Variants in MGAT4C observed in about 807,000 individuals in gnomAD.
The protein encoded by MGAT4C is MGAT4 family member C, also known as alpha-1,3-mannosyl-glycoprotein 4-beta-N-acetylglucosaminyltransferase C.
Under a neutral mutation model 40.1 loss-of-function variants are expected in MGAT4C, and 19 were observed. The observed-to-expected ratio is 0.47, with a 90% CI of 0.33 to 0.70. The LOEUF (loss-of-function observed/expected upper bound fraction) is 0.70, where lower values mean the gene tolerates loss of function less well. Among genes scored for constraint, MGAT4C ranks in the 30% least tolerant of loss-of-function variants. The pLI is 0.02. For missense variants in MGAT4C, 491 were observed against 563.2 expected (o/e 0.87, Z 1.30); for synonymous variants, 181 against 187.1 (o/e 0.97, Z 0.27).
intron 2 of MGAT4C, among the ~76,000 whole-genome samples, chr12:86,044,425 GCTGCCAGCTTCTGTGCACATGTT>G (rs1371525935): frequency 6.6e-6 from 1 of 152,180 alleles, no homozygotes; most frequent in African/African-American, 2.4e-5. Context: ...TGGGTTTGCG[GCTGCCAGCTTCTGTGCACATGTT>G]TGCTCTGTGG....
At chr12:86,491,453 A>C (rs1452381012) in intron 2 of MGAT4C, among the ~76,000 whole-genome samples, 3 of 152,174 alleles carry the variant, frequency 2.0e-5, no homozygotes, top group Non-Finnish European at 2.9e-5. Flanking sequence ...CACCAAGATC[A>C]AGTGGGCTTC....
chr12:86,461,236 CTTTTTTTTTT>C (rs1182920834), intron 2 of MGAT4C, among the ~76,000 whole-genome samples: 1 of 132,664 alleles, frequency 7.5e-6, no homozygotes, highest in South Asian at 2.4e-4. Flanking sequence ...TACACATCTT[CTTTTTTTTTT>C]TTTTTTTTTT....
chr12:86,382,368 T>A (rs1955952545), intron 3 of MGAT4C, among the ~76,000 whole-genome samples: 1 of 152,176 alleles, frequency 6.6e-6, no homozygotes, highest in Admixed American at 6.5e-5. Flanking sequence ...AGAAGAAATT[T>A]CTAAGCAGAA....
chr12:86,767,472 T>C (rs1565976253), intron 1 of MGAT4C, among the ~76,000 whole-genome samples: 1 of 152,142 alleles, frequency 6.6e-6, no homozygotes, highest in Non-Finnish European at 1.5e-5. Context: ...TCTGAAACTA[T>C]TCCAATCAAT....
intron 1 of MGAT4C, among the ~76,000 whole-genome samples, chr12:86,745,749 A>C (rs1466024877): frequency 6.6e-6 from 1 of 151,644 alleles, no homozygotes; most frequent in Admixed American, 6.6e-5. Flanking sequence ...TAAAACTACA[A>C]AAATTTAAAC....
chr12:86,261,753 T>C (rs1484029079), intron 4 of MGAT4C, among the ~76,000 whole-genome samples: 1 of 152,056 alleles, frequency 6.6e-6, no homozygotes, highest in Non-Finnish European at 1.5e-5. Flanking sequence ...GTGTTGTACC[T>C]TGGGGTTTCA....
At chr12:86,370,447 A>T (rs1200609550) in intron 3 of MGAT4C, among the ~76,000 whole-genome samples, 1 of 152,050 alleles carries the variant, frequency 6.6e-6, no homozygotes, top group Non-Finnish European at 1.5e-5. Context: ...TAGTATGGAA[A>T]AACTTGCCTG....
intron 1 of MGAT4C, among the ~76,000 whole-genome samples, chr12:86,138,383 C>T (rs1016501686): frequency 2.7e-5 from 4 of 150,738 alleles, no homozygotes; most frequent in Admixed American, 2.0e-4. Flanking sequence ...CTCAGGATTC[C>T]CACTTGGATA....
chr12:86,425,997 A>T (rs574430977), intron 3 of MGAT4C, among the ~76,000 whole-genome samples: 2 of 152,248 alleles, frequency 1.3e-5, no homozygotes, highest in Non-Finnish European at 2.9e-5. Context: ...TCAATAAAAT[A>T]AAAATTAAAA....
chr12:86,201,378 C>G (rs1471941898), intron 1 of MGAT4C, among the ~76,000 whole-genome samples: 2 of 151,256 alleles, frequency 1.3e-5, no homozygotes, highest in Non-Finnish European at 2.9e-5. Context: ...ATTATTATGT[C>G]AATAACACCA....
At position 85,961,871 on chromosome 12, in the gene MGAT4C, T is replaced by C. The variant is rs1404034311; in HGVS notation, c.*17418A>G. 1 of 151,858 alleles carries C rather than the reference T, an allele frequency of 6.6e-6. No individual in the cohort carries two copies. Among genetic ancestry groups the C allele is most frequent in the Non-Finnish European group, 1.5e-5 (1 of 67,776 alleles). The allele number at this position is 151,858 out of a possible 1,614,324, so 9.4% of individuals were successfully genotyped here. ...GATTTTATTAGGATTCTAAGGTTATTCTGTGACGATGGAACTTAATGATGT... is the reference window on the plus strand; with the variant it reads ...GATTTTATTAGGATTCTAAGGTTATCCTGTGACGATGGAACTTAATGATGT... On this transcript the variant is annotated 3_prime_UTR_variant, in exon 5 of 5. Transcript: ENST00000611864.
chr12:86,550,183 G>A (rs774736145), intron 2 of MGAT4C, among the ~76,000 whole-genome samples: 1 of 152,056 alleles, frequency 6.6e-6, no homozygotes, highest in Non-Finnish European at 1.5e-5. Context: ...TGCCATGATC[G>A]TAAGTTTCCT....
At chr12:86,588,281 C>T (rs1361997506) in intron 2 of MGAT4C, among the ~76,000 whole-genome samples, 2 of 151,688 alleles carry the variant, frequency 1.3e-5, no homozygotes, top group Non-Finnish European at 1.5e-5. Flanking sequence ...GACTTTAAAC[C>T]AAAAAAGATC....
At chr12:86,384,598 TATTC>T (rs1320405470) in intron 3 of MGAT4C, among the ~76,000 whole-genome samples, 1 of 152,240 alleles carries the variant, frequency 6.6e-6, no homozygotes, top group East Asian at 1.9e-4. Flanking sequence ...ATTGTGAAAA[TATTC>T]ATTCTTCCGT....
chr12:86,009,909 G>T (rs367943160), intron 2 of MGAT4C, among the ~76,000 whole-genome samples: 1 of 152,060 alleles, frequency 6.6e-6, no homozygotes, highest in Admixed American at 6.6e-5. Flanking sequence ...TAGCTTAGAG[G>T]CTTGCTGAAT....
At chr12:86,800,895 A>G (rs1952213596) in intron 1 of MGAT4C, among the ~76,000 whole-genome samples, 1 of 151,868 alleles carries the variant, frequency 6.6e-6, no homozygotes, top group African/African-American at 2.4e-5. Context: ...CTGCTAAGTC[A>G]GTTTTAGCCA....
chr12:86,312,399 C>G (rs1387461309), intron 4 of MGAT4C, among the ~76,000 whole-genome samples: 2 of 152,192 alleles, frequency 1.3e-5, no homozygotes, highest in Non-Finnish European at 2.9e-5. Context: ...AACACAGCTG[C>G]TTGCTCACTT....
At chr12:86,602,581 C>G (rs1961824885) in intron 2 of MGAT4C, among the ~76,000 whole-genome samples, 1 of 152,064 alleles carries the variant, frequency 6.6e-6, no homozygotes, top group Non-Finnish European at 1.5e-5. Context: ...TACTGATATA[C>G]CAGTATGTTA....
At chr12:86,221,214 T>C (rs1308203411) in intron 1 of MGAT4C, among the ~76,000 whole-genome samples, 1 of 152,056 alleles carries the variant, frequency 6.6e-6, no homozygotes, top group African/African-American at 2.4e-5. Context: ...GGGGCTTCTG[T>C]TAAGGAGTAT....
Sources: allele counts gnomAD v4.1 joint callset (sites outside exome capture counted in the v4.1 genomes callset), GRCh38; gene constraint gnomAD v4.1.1; transcripts MANE v1.5; gene names NCBI Gene and HGNC (gene_info 2026-07-23, HGNC 2026-07-21).